The following EPB41L1 variants were observed in gnomAD, a reference collection of about 807,000 sequenced individuals.
The protein encoded by EPB41L1 is erythrocyte membrane protein band 4.1 like 1.
Under a neutral mutation model 97.8 loss-of-function variants are expected in EPB41L1, and 29 were observed. The observed-to-expected ratio is 0.30, with a 90% CI of 0.22 to 0.40. EPB41L1 has a LOEUF of 0.40. Among genes scored for constraint, EPB41L1 ranks in the 10% least tolerant of loss-of-function variants. The pLI is 1.00. For synonymous variants in EPB41L1, 383 were observed against 459.2 expected, an observed-to-expected ratio of 0.83 and a Z score of 2.12; for missense variants, 812 against 1,162.3, an observed-to-expected ratio of 0.70 and a Z score of 4.38.
intron 21 of EPB41L1, among the ~76,000 whole-genome samples, chr20:36,227,960 C>T (rs1307989150): frequency 1.3e-5 from 2 of 152,178 alleles, no homozygotes; most frequent in African/African-American, 4.8e-5. Flanking sequence ...TCCTAACCTT[C>T]CAAAATTTAA....
At chr20:36,201,613 C>G (rs2062502060) in intron 14 of EPB41L1, among the ~76,000 whole-genome samples, 1 of 152,216 alleles carries the variant, frequency 6.6e-6, no homozygotes. Flanking sequence ...ACATCTTTCT[C>G]TAAGGAGTAT....
chr20:36,142,853 A>T (rs1289772773), intron 2 of EPB41L1, among the ~76,000 whole-genome samples: 2 of 152,098 alleles, frequency 1.3e-5, no homozygotes, highest in Admixed American at 6.6e-5. Context: ...CCCTGGTGTG[A>T]TCCTGGGCTC....
At chr20:36,218,801 A>G (rs1601060473) in intron 17 of EPB41L1, 75 bp from the exon 18 acceptor site, 3 of 1,354,808 alleles carry the variant, frequency 2.2e-6, no homozygotes, top group South Asian at 1.2e-5. Flanking sequence ...TGATAGCTAC[A>G]TGGCCACATG....
chr20:36,137,076 C>CTT lies in EPB41L1; in HGVS notation c.-10+24611_-10+24612dup, dbSNP rs35231525. 8.7e-3 allele frequency among the ~76,000 whole-genome samples: 1,150 copies of CTT among 132,884 alleles called. 9 individuals are homozygous for CTT. The highest frequency in any genetic ancestry group is 0.028 in the Middle Eastern group (7 of 254). 87.2% of individuals were successfully genotyped at this position (132,884 alleles called of 152,430 possible). A position where few individuals can be genotyped will look rare whatever the true frequency, so the allele number is the denominator to read the frequency against. On this transcript the variant is annotated intron_variant, in intron 2 of 19. Transcript: ENST00000202028. ...TCTTTTTTTCCTTTTCTTTCCTTTCCTTTTTTTTTTTTTTTTGAGACAGGG... is the reference window on the plus strand; with the variant it reads ...TCTTTTTTTCCTTTTCTTTCCTTTCCTTTTTTTTTTTTTTTTTTGAGACAGGG...
chr20:36,109,921 G>C (rs2058330386), intron 1 of EPB41L1: 1 of 151,744 alleles, frequency 6.6e-6, no homozygotes, highest in South Asian at 2.1e-4. Context: ...TCTATAACTG[G>C]AAAGGATCTT....
chr20:36,229,286 C>T, intron 21 of EPB41L1, 46 bp from the exon 22 acceptor site: 4 of 1,193,644 alleles, frequency 3.4e-6, no homozygotes, highest in Non-Finnish European at 4.9e-6. Context: ...CCTTCCTTTC[C>T]CCCCACTCCC....
chr20:36,166,024 T>G (rs1373063147), intron 1 of EPB41L1, among the ~76,000 whole-genome samples: 1 of 152,236 alleles, frequency 6.6e-6, no homozygotes, highest in South Asian at 2.1e-4. Flanking sequence ...ATATCAGGAC[T>G]TTGGATGGAA....
chr20:36,120,277 G>T (rs936327014), intron 2 of EPB41L1, among the ~76,000 whole-genome samples: 1 of 152,218 alleles, frequency 6.6e-6, no homozygotes, highest in Non-Finnish European at 1.5e-5. Context: ...GCACGGAAAG[G>T]TGTCATAATT....
Position 36,185,210 on chromosome 20 carries a change from G to A in EPB41L1, c.660G>A (p.Val220=), listed in dbSNP as rs1341550563. ...ATGCCCTACTGGGCTCCTACGCTGTGCAGGCTGAGCTGGGTGACTATGATG... is the reference window on the plus strand; with the variant it reads ...ATGCCCTACTGGGCTCCTACGCTGTACAGGCTGAGCTGGGTGACTATGATG... The part of the protein sequence containing the change: ...VTHALLGSYA[V]QAELGDYDAE... Residue 220 remains valine, a synonymous_variant, in exon 7 of 22, where the codon GTG becomes GTA. Coordinates refer to ENST00000338074, the MANE Select transcript of EPB41L1 (RefSeq NM_012156.2). 6.2e-7 allele frequency: 1 copy of A among 1,613,794 alleles called. No homozygotes were observed. The highest frequency in any genetic ancestry group is 8.5e-7 in the Non-Finnish European group (1 of 1,180,036).
rs767619578 is a variant in EPB41L1, at chr20:36,219,786, GCACCTACGGCGC to G, written c.2385_2396del (p.Tyr796_Thr799del). 4.3e-6 allele frequency: 7 copies of G among 1,614,042 alleles called. No homozygotes were observed. The highest frequency in any genetic ancestry group is 3.3e-5 in the Admixed American group (2 of 60,000). ...ATCATCGGGAAAGATGTCCTCACCAGCACCTACGGCGCCACTGCGGAAACCCTCTCAACCTCC... is the reference window on the plus strand; with the variant it reads ...ATCATCGGGAAAGATGTCCTCACCAGCACTGCGGAAACCCTCTCAACCTCC... On this transcript the variant is annotated inframe_deletion, in exon 19 of 22. Coordinates refer to ENST00000338074, the MANE Select transcript of EPB41L1 (RefSeq NM_012156.2).
chr20:36,194,064 A>G (rs2062074843), intron 11 of EPB41L1, 148 bp from the exon 12 acceptor site: 2 of 1,056,528 alleles, frequency 1.9e-6, no homozygotes, highest in South Asian at 2.7e-5. Flanking sequence ...ATGTGATCAG[A>G]AGTCTACTTC....
At chr20:36,138,197 C>T (rs1276333588) in intron 2 of EPB41L1, among the ~76,000 whole-genome samples, 8 of 152,048 alleles carry the variant, frequency 5.3e-5, no homozygotes, top group Admixed American at 3.9e-4. Context: ...ATCTCTTTGA[C>T]ACCTTGCTTT....
upstream of EPB41L1, chr20:36,149,755 C>T (rs2145416585): frequency 6.5e-6 from 1 of 152,684 alleles, no homozygotes; most frequent in East Asian, 1.9e-4. Flanking sequence ...CCCGGCTGCC[C>T]TCCCGGGCAG....
intron 16 of EPB41L1, among the ~76,000 whole-genome samples, chr20:36,214,121 C>G (rs2063302768): frequency 6.6e-6 from 1 of 152,062 alleles, no homozygotes; most frequent in Non-Finnish European, 1.5e-5. Context: ...ACACGCATTG[C>G]AATTTGGATA....
intron 1 of EPB41L1, chr20:36,110,648 C>G (rs1402767257): frequency 1.3e-5 from 2 of 152,414 alleles, no homozygotes; most frequent in East Asian, 3.8e-4. Context: ...CACACACACA[C>G]ACACACACAC....
At chr20:36,183,454 G>C (rs994160885) in intron 6 of EPB41L1, among the ~76,000 whole-genome samples, 8 of 152,206 alleles carry the variant, frequency 5.3e-5, no homozygotes, top group Non-Finnish European at 1.2e-4. Flanking sequence ...GGCTAATGTG[G>C]CAGCAGCAAG....
chr20:36,229,534 G>A lies in EPB41L1; in HGVS notation c.*194G>A, dbSNP rs1010398536. ...TATAGATATATATACAGGAAACACC[G>A]CATCCTTGCACTGCTGCTGGGGCTG... On this transcript the variant is annotated 3_prime_UTR_variant, in exon 22 of 22. Transcript: ENST00000338074. 41 of 517,836 alleles carry A rather than the reference G, an allele frequency of 7.9e-5. No homozygotes were observed. The East Asian group carries it at 9.4e-4, about 12-fold the overall frequency. The allele number at this position is 517,836 out of a possible 1,614,324, so 32.1% of individuals were successfully genotyped here. A position where few individuals can be genotyped will look rare whatever the true frequency, so the allele number is the denominator to read the frequency against.
At chr20:36,130,787 T>TTCTCTCTC (rs35428172) in intron 2 of EPB41L1, among the ~76,000 whole-genome samples, 9 of 143,754 alleles carry the variant, frequency 6.3e-5, no homozygotes, top group Non-Finnish European at 1.2e-4. Context: ...TTTTAAAAAT[T>TTCTCTCTC]TCTCTCTCTC....
chr20:36,185,537 G>C (rs2061648632), intron 7 of EPB41L1, among the ~76,000 whole-genome samples: 1 of 152,280 alleles, frequency 6.6e-6, no homozygotes, highest in East Asian at 1.9e-4. Flanking sequence ...ATGACCTTTT[G>C]GGACCCAAGT....
Sources: gnomAD v4.1 joint callset for allele counts (sites outside exome capture counted in the v4.1 genomes callset) on GRCh38, gnomAD v4.1.1 for gene constraint, MANE v1.5 for transcripts, NCBI Gene and HGNC (gene_info 2026-07-23, HGNC 2026-07-21) for gene names.